The following TRPM4 variants were observed in gnomAD, a reference collection of about 807,000 sequenced individuals.
The protein encoded by TRPM4 is transient receptor potential cation channel subfamily M member 4, also known as calcium-activated non-selective cation channel 1.
In TRPM4, 124 loss-of-function variants were observed where a neutral mutation model predicts 135.6. The observed-to-expected ratio is 0.91, with a 90% CI of 0.79 to 1.06. The LOEUF (loss-of-function observed/expected upper bound fraction) is 1.06, where lower values mean the gene tolerates loss of function less well. TRPM4 is among the 50% of genes least tolerant of loss of function. The probability of loss-of-function intolerance (pLI) is 0.00; values close to 1 mark genes in which losing one functional copy is unlikely to be tolerated. For synonymous variants in TRPM4, 745 were observed against 705.6 expected, an observed-to-expected ratio of 1.06 and a Z score of -0.88; for missense variants, 1,658 against 1,671.4, an observed-to-expected ratio of 0.99 and a Z score of 0.14.
intron 12 of TRPM4, among the ~76,000 whole-genome samples, chr19:49,185,981 C>T (rs1968182597): frequency 6.6e-6 from 1 of 151,900 alleles, no homozygotes; most frequent in African/African-American, 2.4e-5. Flanking sequence ...AAACTCCTGA[C>T]CTCAGGTGAT....
intron 12 of TRPM4, among the ~76,000 whole-genome samples, chr19:49,186,705 C>A (rs1486492628): frequency 6.6e-6 from 1 of 152,006 alleles, no homozygotes; most frequent in Non-Finnish European, 1.5e-5. Context: ...AACCCTATCT[C>A]TACTAAAAGC....
At chr19:49,192,634 C>T (rs1968453304) in intron 16 of TRPM4, among the ~76,000 whole-genome samples, 1 of 152,088 alleles carries the variant, frequency 6.6e-6, no homozygotes, top group Admixed American at 6.6e-5. Context: ...GATGAGAACA[C>T]ATGGACACAC....
Position 49,168,576 on chromosome 19 carries a change from G to C in TRPM4, c.636G>C (p.Arg212=), listed in dbSNP as rs1334433118. The C allele has an allele frequency of 6.2e-7, 1 of 1,613,900 alleles. No individual in the cohort carries two copies. The highest frequency in any genetic ancestry group is 8.5e-7 in the Non-Finnish European group (1 of 1,180,018). ...AGGGCTCGTTCCCTGCGAGGTACCG[G>C]TGGCGCGGTGACCCGGAGGACGGGG... ...NPKGSFPARY[R]WRGDPEDGVQ... is the part of the protein sequence containing the mutation. The change falls in exon 6 of 25, where the codon CGG becomes CGC. Residue 212 remains arginine (R), a synonymous_variant. Coordinates refer to ENST00000252826, the MANE Select transcript of TRPM4 (RefSeq NM_017636.4).
chr19:49,203,894 T>C (rs1969047585), intron 20 of TRPM4, among the ~76,000 whole-genome samples: 2 of 151,706 alleles, frequency 1.3e-5, no homozygotes, highest in Non-Finnish European at 2.9e-5. Flanking sequence ...TTGGGAGGCC[T>C]AGGCGGGTGG....
In TRPM4 at chr19:49,200,434, TGAG is replaced by T; in HGVS notation, c.2778+4_2778+6del. 2 of 1,589,896 alleles carry T rather than the reference TGAG, an allele frequency of 1.3e-6. No individual in the cohort carries two copies. Among genetic ancestry groups the T allele is most frequent in the Non-Finnish European group, 8.5e-7 (1 of 1,172,234 alleles). ...AAGATCGTCATCGTGAGCAAGATGG[TGAG>T]GCAGGGGCGGGGCCAAAGTGGGCGG... On this transcript the variant is annotated splice_donor_5th_base_variant and intron_variant, in intron 18 of 24. Transcript: ENST00000252826.
intron 2 of TRPM4, among the ~76,000 whole-genome samples, chr19:49,165,543 T>C (rs1004244168): frequency 1.3e-5 from 2 of 152,172 alleles, no homozygotes; most frequent in African/African-American, 4.8e-5. Context: ...TGGCTCCTCA[T>C]AGCTCCGTGG....
At chr19:49,189,237 G>A in intron 14 of TRPM4, 146 bp downstream of exon 14, 1 of 1,254,084 alleles carries the variant, frequency 8.0e-7, no homozygotes. Context: ...TTCTCTCTCA[G>A]AAAGGCTGCT....
chr19:49,161,661 G>A (rs1364890193), intron 2 of TRPM4, among the ~76,000 whole-genome samples: 3 of 145,838 alleles, frequency 2.1e-5, no homozygotes, highest in Non-Finnish European at 3.0e-5. Context: ...ACGGAGTCTC[G>A]CTCTATCACC....
Position 49,171,465 on chromosome 19 carries a change from G to A in TRPM4, c.858+47G>A, listed in dbSNP as rs113664674. The A allele has an allele frequency of 6.2e-3, 9,987 of 1,612,446 alleles. 39 individuals carry two copies. Among genetic ancestry groups the A allele is most frequent in the Non-Finnish European group, 7.3e-3 (8,608 of 1,178,676 alleles). On this transcript the variant is annotated intron_variant, in intron 7 of 24. Transcript: ENST00000252826. This position sits in a 1 kb window ranked among gnomAD's most constrained non-coding sequence, Gnocchi z 4.7. ...GATCTAAGGGGGAAGGAGGGTTGGG[G>A]GCCAGGACTCCTGGGTCCTGAGTCT...
chr19:49,200,913 T>C, intron 19 of TRPM4, 128 bp downstream of exon 19: 1 of 1,023,348 alleles, frequency 9.8e-7, no homozygotes, highest in Non-Finnish European at 1.5e-6. Flanking sequence ...TCTGGATCTC[T>C]GAGTGATACC....
chr19:49,180,880 T>C (rs149430284), intron 9 of TRPM4, among the ~76,000 whole-genome samples: 1 of 152,088 alleles, frequency 6.6e-6, no homozygotes, highest in Admixed American at 6.6e-5. Flanking sequence ...CTTTCATCCA[T>C]CCATTTATCC....
At position 49,168,259 on chromosome 19, in the gene TRPM4, G is replaced by A. The variant is rs1459312091; in HGVS notation, c.449-1G>A. On this transcript the variant is annotated splice_acceptor_variant, in intron 4 of 24. Transcript: ENST00000252826. LOFTEE classifies it high-confidence loss of function. ...CTGCATGTTCCTCGGCGTCTGTGTA[G>A]GAGCCTGGATTGTCACTGGGGGTCT... 6.2e-7 allele frequency: 1 copy of A among 1,614,014 alleles called. No individual in the cohort carries two copies. Among genetic ancestry groups the A allele is most frequent in the East Asian group, 2.2e-5 (1 of 44,890 alleles).
At chr19:49,184,446 TGTA>T in intron 12 of TRPM4, among the ~76,000 whole-genome samples, 1 of 143,906 alleles carries the variant, frequency 6.9e-6, no homozygotes, top group Admixed American at 7.2e-5. Context: ...TTTCTGTCTC[TGTA>T]GTCTTTTTTT....
At chr19:49,184,722 G>A (rs1265220698) in intron 12 of TRPM4, among the ~76,000 whole-genome samples, 2 of 151,354 alleles carry the variant, frequency 1.3e-5, no homozygotes, top group Non-Finnish European at 2.9e-5. Context: ...CTCGTGATCT[G>A]CCCTCCTCGG....
rs1175807 is a variant in TRPM4, at chr19:49,200,215, C to T, written c.2646-85C>T. 5.9e-3 allele frequency: 9,481 copies of T among 1,607,212 alleles called. 495 individuals carry two copies. In the African/African-American group the frequency reaches 0.11, roughly 19 times the overall value. Reference sequence around the variant, plus strand: ...TCCTGCCCGGTGGAGGCTGCAGCTTCCTCTGAAGGATGGCATTGGGAAGAC... The same window carrying T: ...TCCTGCCCGGTGGAGGCTGCAGCTTTCTCTGAAGGATGGCATTGGGAAGAC... On this transcript the variant is annotated intron_variant, in intron 17 of 24. Transcript: ENST00000252826.
At chr19:49,200,258 T>A in intron 17 of TRPM4, 42 bp from the exon 18 acceptor site, 1 of 1,614,064 alleles carries the variant, frequency 6.2e-7, no homozygotes, top group Non-Finnish European at 8.5e-7. Flanking sequence ...TTCCTTGGCG[T>A]CTTGTGACAC....
chr19:49,210,370 GC>G lies in TRPM4; in HGVS notation c.3298del (p.Gln1100SerfsTer23). On this transcript the variant is annotated frameshift_variant, in exon 21 of 25. Transcript: ENST00000252826. LOFTEE classifies it high-confidence loss of function. This position sits in a 1 kb window ranked among gnomAD's most constrained non-coding sequence, Gnocchi z 4.1. ...AGGCAATTGTGCAGGCGACCCCGGA[GC>G]CCCCAGCCGTCCTCCCCGGCCCTCG... ...LLRQLCRRPRSPQPSSPALEH... is the reference protein window; with the variant it reads ...LLRQLCRRPRXPQPSSPALEH... The G allele has an allele frequency of 6.2e-7, 1 of 1,614,070 alleles. No homozygotes were observed. The highest frequency in any genetic ancestry group is 2.2e-5 in the East Asian group (1 of 44,890).
At position 49,171,418 on chromosome 19, in the gene TRPM4, G is replaced by A. The variant is rs760622386; in HGVS notation, c.858G>A (p.Thr286=). The change falls in exon 7 of 25, where the codon ACG becomes ACA. Residue 286 remains threonine, a splice_region_variant and synonymous_variant. Transcript: ENST00000252826. The surrounding 1 kb of genome is among the most constrained non-coding windows in gnomAD (Gnocchi z 4.7). ...TTGATGGTGATGAGAAGATGTTGAC[G>A]GTATAGGGGCCCGGATGCCCGGATC... ...LLIDGDEKML[T]RIENATQAQL... The A allele has an allele frequency of 2.0e-5, 33 of 1,613,940 alleles. No homozygotes were observed. In the East Asian group the frequency reaches 4.5e-4, roughly 22 times the overall value.
intron 16 of TRPM4, among the ~76,000 whole-genome samples, chr19:49,191,290 C>G (rs970362541): frequency 6.6e-6 from 1 of 151,404 alleles, no homozygotes; most frequent in Non-Finnish European, 1.5e-5. Flanking sequence ...ACTGCAGCCT[C>G]TGTTTCCTGG....
Sources: gnomAD v4.1 joint callset for allele counts (sites outside exome capture counted in the v4.1 genomes callset) on GRCh38, gnomAD v4.1.1 for gene constraint, Gnocchi (gnomAD v3.1) non-coding constraint, MANE v1.5 for transcripts, NCBI Gene and HGNC (gene_info 2026-07-23, HGNC 2026-07-21) for gene names.